Variants in GMCL1 observed in about 807,000 individuals in gnomAD.
The protein encoded by GMCL1 is germ cell-less 1, spermatogenesis associated.
A neutral mutation model predicts 75.5 loss-of-function variants in GMCL1; 54 were observed. The observed-to-expected ratio is 0.71, with a 90% CI of 0.57 to 0.90. The LOEUF (loss-of-function observed/expected upper bound fraction) is 0.90, where lower values mean the gene tolerates loss of function less well. Ranked by LOEUF, GMCL1 falls within the 40% of genes least tolerant of loss-of-function variation. The probability of loss-of-function intolerance (pLI) is 0.00; values close to 1 mark genes in which losing one functional copy is unlikely to be tolerated. For missense variants in GMCL1, 537 were observed against 622.7 expected (o/e 0.86, Z 1.47); for synonymous variants, 210 against 209.6 (o/e 1.00, Z -0.02).
At chr2:69,843,040 C>G in intron 4 of GMCL1, 109 bp from the exon 5 acceptor site, 129 of 316,058 alleles carry the variant, frequency 4.1e-4, no homozygotes, top group East Asian at 9.0e-4. Flanking sequence ...AGTTTTCTTT[C>G]TTTTCTTTCT....
chr2:69,842,821 A>G (rs1675021096), intron 4 of GMCL1: 1 of 164,502 alleles, frequency 6.1e-6, no homozygotes, highest in African/African-American at 2.4e-5. Flanking sequence ...AACAGACAAA[A>G]TGCTGCTAAA....
chr2:69,851,475 T>C (rs2103987799), intron 8 of GMCL1, among the ~76,000 whole-genome samples: 1 of 151,686 alleles, frequency 6.6e-6, no homozygotes, highest in East Asian at 1.9e-4. Flanking sequence ...CCGGGTATGG[T>C]GGTGGTCGCC....
At chr2:69,869,938 C>T (rs913415832) in intron 12 of GMCL1, 74 bp downstream of exon 12, 6 of 1,455,364 alleles carry the variant, frequency 4.1e-6, no homozygotes, top group Non-Finnish European at 4.7e-6. Context: ...TGATAATTTA[C>T]ACCAACATTA....
chr2:69,845,173 TG>T (rs964732276), intron 6 of GMCL1, among the ~76,000 whole-genome samples: 1 of 152,208 alleles, frequency 6.6e-6, no homozygotes, highest in Admixed American at 6.5e-5. Flanking sequence ...GGCTTCAGGC[TG>T]GGGCTGCAGA....
chr2:69,837,294 A>G (rs546362252), intron 1 of GMCL1, among the ~76,000 whole-genome samples: 5 of 151,292 alleles, frequency 3.3e-5, no homozygotes, highest in South Asian at 2.1e-4. Context: ...TCTGCCTCCC[A>G]TGCTGCCCCC....
intron 6 of GMCL1, among the ~76,000 whole-genome samples, chr2:69,845,772 C>G (rs142420719): frequency 4.3e-4 from 65 of 152,218 alleles, no homozygotes; most frequent in Non-Finnish European, 8.4e-4. Flanking sequence ...CTGAGAAAAT[C>G]TGGCTAGCAG....
intron 9 of GMCL1, among the ~76,000 whole-genome samples, chr2:69,859,101 G>A (rs560738982): frequency 2.2e-3 from 316 of 141,670 alleles, no homozygotes; most frequent in African/African-American, 8.1e-3. Context: ...AACCCAGATC[G>A]CGCCACCACA....
chr2:69,845,142 C>T (rs548608158), intron 6 of GMCL1, among the ~76,000 whole-genome samples: 9 of 152,288 alleles, frequency 5.9e-5, no homozygotes, highest in Admixed American at 1.3e-4. Flanking sequence ...AACCTGTTAG[C>T]GCCACACAGG....
intron 12 of GMCL1, among the ~76,000 whole-genome samples, chr2:69,870,111 G>A (rs149638710): frequency 1.8e-3 from 271 of 149,736 alleles, no homozygotes; most frequent in African/African-American, 6.1e-3. Flanking sequence ...CCTTGAAGTC[G>A]TTGCCTTGTT....
intron 12 of GMCL1, 126 bp downstream of exon 12, chr2:69,869,990 A>C (rs1444214369): frequency 2.3e-6 from 2 of 870,450 alleles, no homozygotes; most frequent in Non-Finnish European, 3.3e-6. Flanking sequence ...AAGTGGTAGG[A>C]AATGACGAGG....
intron 9 of GMCL1, among the ~76,000 whole-genome samples, chr2:69,856,952 G>T (rs1056855982): frequency 2.6e-5 from 4 of 151,720 alleles, no homozygotes; most frequent in Non-Finnish European, 4.4e-5. Flanking sequence ...GTAGTTTTTT[G>T]ACCTCAGCTC....
Position 69,880,418 on chromosome 2 carries a change from T to C in GMCL1, c.*1414T>C, listed in dbSNP as rs1461666495. On this transcript the variant is annotated 3_prime_UTR_variant, in exon 14 of 14. Transcript: ENST00000282570. Reference sequence around the variant, plus strand: ...ATGCCCATAGGTTCATAAATTGCTTTTGTTCTTTTAAAATTCATCCATTTG... The same window carrying C: ...ATGCCCATAGGTTCATAAATTGCTTCTGTTCTTTTAAAATTCATCCATTTG... 2.6e-5 allele frequency: 4 copies of C among 152,240 alleles called. No individual in the cohort carries two copies. The highest frequency in any genetic ancestry group is 1.3e-4 in the Admixed American group (2 of 15,286). 9.4% of individuals were successfully genotyped at this position (152,240 alleles called of 1,614,324 possible).
rs569025533 is a variant in GMCL1 at position 69,880,842 on chromosome 2, C to T, written c.*1838C>T. On this transcript the variant is annotated 3_prime_UTR_variant, in exon 14 of 14. Transcript: ENST00000282570. ...CAACCTAGGCGACAGAGTGAGACTC[C>T]GTCTCAAAAAAAAAAAAAAAAAAAA... 49 of 109,416 alleles carry T rather than the reference C, an allele frequency of 4.5e-4. No individual in the cohort carries two copies. The highest frequency in any genetic ancestry group is 1.6e-3 in the African/African-American group (40 of 25,048). 6.8% of individuals were successfully genotyped at this position (109,416 alleles called of 1,614,324 possible).
intron 8 of GMCL1, among the ~76,000 whole-genome samples, chr2:69,850,189 A>ATG (rs1484138163): frequency 1.3e-5 from 2 of 152,122 alleles, no homozygotes; most frequent in Non-Finnish European, 2.9e-5. Context: ...AGAATTTGAT[A>ATG]TGTGTGTGTG....
In GMCL1 at chr2:69,879,120, C is replaced by A. The variant is rs986946318; in HGVS notation, c.*116C>A. On this transcript the variant is annotated 3_prime_UTR_variant, in exon 14 of 14. Coordinates refer to ENST00000282570, the MANE Select transcript of GMCL1 (RefSeq NM_178439.5). ...TTAATGGCCCTACTGATATTCACAT[C>A]GAAGGTGACTAACAATGACAAAGGC... 2.5e-5 allele frequency: 16 copies of A among 645,390 alleles called. No homozygotes were observed. Among genetic ancestry groups the A allele is most frequent in the Non-Finnish European group, 3.9e-5 (14 of 359,332 alleles). 40.0% of individuals were successfully genotyped at this position (645,390 alleles called of 1,614,324 possible).
chr2:69,857,689 A>G (rs563181493), intron 9 of GMCL1, among the ~76,000 whole-genome samples: 2 of 152,352 alleles, frequency 1.3e-5, no homozygotes, highest in South Asian at 2.1e-4. Flanking sequence ...TACTCTATAC[A>G]GAATACTCTT....
At chr2:69,861,635 T>G (rs1675651157) in intron 10 of GMCL1, among the ~76,000 whole-genome samples, 1 of 152,228 alleles carries the variant, frequency 6.6e-6, no homozygotes, top group Middle Eastern at 3.2e-3. Flanking sequence ...TGATTTTCTT[T>G]CAACATACTG....
chr2:69,847,570 T>C lies in GMCL1; in HGVS notation c.786T>C (p.Gly262=). The change falls in exon 7 of 14, where the codon GGT becomes GGC. Residue 262 remains glycine (G), a synonymous_variant. Coordinates refer to ENST00000282570, the MANE Select transcript of GMCL1 (RefSeq NM_178439.5). ...TAAATGTCATGAAACAGCTCATTGG[T>C]TCATCTAACTTATTTGTGATGCAAG... ...LSINVMKQLI[G]SSNLFVMQVE... The C allele has an allele frequency of 6.2e-7, 1 of 1,610,622 alleles. No individual in the cohort carries two copies. Among genetic ancestry groups the C allele is most frequent in the East Asian group, 2.2e-5 (1 of 44,764 alleles).
intron 1 of GMCL1, among the ~76,000 whole-genome samples, chr2:69,832,521 C>T (rs1674703628): frequency 6.6e-6 from 1 of 152,188 alleles, no homozygotes; most frequent in Non-Finnish European, 1.5e-5. Context: ...GCAGGTTTCT[C>T]ACATGTATAT....
Sources: allele counts gnomAD v4.1 joint callset (sites outside exome capture counted in the v4.1 genomes callset), GRCh38; gene constraint gnomAD v4.1.1; transcripts MANE v1.5; gene names NCBI Gene and HGNC (gene_info 2026-07-23, HGNC 2026-07-21).